SCN7A: variants seen among roughly 807,000 people sequenced by gnomAD.
SCN7A encodes the protein sodium voltage-gated channel alpha subunit 7, also known as sodium channel protein type 7 subunit alpha.
In SCN7A, 138 loss-of-function variants were observed where a neutral mutation model predicts 155.2. The observed-to-expected ratio is 0.89, with a 90% CI of 0.77 to 1.02. The LOEUF is 1.02. SCN7A is among the 50% of genes least tolerant of loss of function. SCN7A has a pLI of 0.00. For missense variants in SCN7A, 2,058 were observed against 1,986.6 expected (o/e 1.04, Z -0.68); for synonymous variants, 693 against 649.0 (o/e 1.07, Z -1.03).
intron 20 of SCN7A, among the ~76,000 whole-genome samples, chr2:166,419,119 C>T (rs903529535): frequency 8.5e-5 from 13 of 152,124 alleles, no homozygotes; most frequent in African/African-American, 3.1e-4. Context: ...GGGCAGACAA[C>T]TTGCTGATTT....
chr2:166,483,813 C>A (rs977992373), intron 2 of SCN7A, among the ~76,000 whole-genome samples: 42 of 151,892 alleles, frequency 2.8e-4, no homozygotes, highest in Non-Finnish European at 4.9e-4. Context: ...GCAATTCAAG[C>A]AACAGAGACT....
intron 11 of SCN7A, among the ~76,000 whole-genome samples, chr2:166,450,286 G>T (rs1702149106): frequency 6.6e-6 from 1 of 152,020 alleles, no homozygotes; most frequent in Non-Finnish European, 1.5e-5. Flanking sequence ...CATTAAGATG[G>T]GAACAACAGA....
At chr2:166,487,975 T>G (rs1293804125) in intron 1 of SCN7A, among the ~76,000 whole-genome samples, 1 of 152,154 alleles carries the variant, frequency 6.6e-6, no homozygotes, top group Non-Finnish European at 1.5e-5. Context: ...ACCAATGACA[T>G]TTAGATAGGT....
chr2:166,452,340 T>G (rs1234548050), intron 11 of SCN7A, among the ~76,000 whole-genome samples: 2 of 151,688 alleles, frequency 1.3e-5, no homozygotes, highest in East Asian at 3.9e-4. Flanking sequence ...ACTTAAATTT[T>G]AGGAAGAATA....
chr2:166,436,220 C>T (rs549387253), intron 15 of SCN7A: 42 of 202,498 alleles, frequency 2.1e-4, no homozygotes, highest in Non-Finnish European at 4.0e-4. Context: ...TCTCATAATC[C>T]CCACATGTTG....
chr2:166,465,224 A>G (rs1375538720), intron 9 of SCN7A, among the ~76,000 whole-genome samples: 2 of 152,150 alleles, frequency 1.3e-5, no homozygotes, highest in Non-Finnish European at 2.9e-5. Context: ...CAGCACCTTG[A>G]TCTGGACTTC....
In SCN7A at chr2:166,480,179, C is replaced by T. The variant is rs557233155; in HGVS notation, c.-14-2469G>A. Among the ~76,000 whole-genome samples, 42 of 152,208 alleles carry T rather than the reference C, an allele frequency of 2.8e-4. No homozygotes were observed. The South Asian group carries it at 6.6e-3, about 24-fold the overall frequency. On this transcript the variant is annotated intron_variant, in intron 2 of 25. Transcript: ENST00000643258. ...TTTCCTTTAAAATAGCCTTTCAGGC[C>T]GCGCAGGGTGGCTCATGCCTGTAAT...
intron 1 of SCN7A, among the ~76,000 whole-genome samples, chr2:166,493,192 C>T (rs912476087): frequency 3.3e-5 from 5 of 152,164 alleles, no homozygotes; most frequent in African/African-American, 1.2e-4. Context: ...ACAAGAAGCA[C>T]CACCCAAACT....
chr2:166,469,828 T>A (rs905020280), intron 7 of SCN7A, among the ~76,000 whole-genome samples: 2 of 151,936 alleles, frequency 1.3e-5, no homozygotes, highest in East Asian at 3.9e-4. Flanking sequence ...TACTGAGATA[T>A]AATTCACAAG....
At chr2:166,415,978 T>C (rs1701366956) in intron 21 of SCN7A, among the ~76,000 whole-genome samples, 1 of 152,132 alleles carries the variant, frequency 6.6e-6, no homozygotes, top group Non-Finnish European at 1.5e-5. Context: ...ACTAAATTCT[T>C]TTCCTAGTAA....
chr2:166,474,083 T>C, intron 4 of SCN7A, 143 bp downstream of exon 4: 1 of 387,304 alleles, frequency 2.6e-6, no homozygotes, highest in Non-Finnish European at 4.2e-6. Flanking sequence ...GAACACTTAA[T>C]GAAGTATAAT....
Position 166,447,609 on chromosome 2 carries a change from T to C in SCN7A, c.1387+3A>G, listed in dbSNP as rs542894623. 1.3e-6 allele frequency: 2 copies of C among 1,594,716 alleles called. No individual in the cohort carries two copies. The highest frequency in any genetic ancestry group is 1.7e-5 in the Admixed American group (1 of 59,704). On this transcript the variant is annotated splice_donor_region_variant and intron_variant, in intron 12 of 25. Transcript: ENST00000643258. ...GTGAGTGTCTACTTATTTAGTACTTTACCTTCCTTATGTCTGAGAGTAGCA... is the reference window on the plus strand; with the variant it reads ...GTGAGTGTCTACTTATTTAGTACTTCACCTTCCTTATGTCTGAGAGTAGCA...
chr2:166,450,779 T>C (rs1330838229), intron 11 of SCN7A, among the ~76,000 whole-genome samples: 1 of 151,968 alleles, frequency 6.6e-6, no homozygotes, highest in Non-Finnish European at 1.5e-5. Context: ...GGCGACAGAG[T>C]GAGACTCTGT....
chr2:166,427,964 GAAC>G (rs765943435), intron 17 of SCN7A, 22 bp from the exon 18 acceptor site: 3 of 1,608,324 alleles, frequency 1.9e-6, no homozygotes, highest in African/African-American at 2.7e-5. Flanking sequence ...GAATTGGTAA[GAAC>G]AACAATCTAG....
chr2:166,407,062 G>T (rs1318706831), intron 25 of SCN7A, among the ~76,000 whole-genome samples: 1 of 152,032 alleles, frequency 6.6e-6, no homozygotes, highest in South Asian at 2.1e-4. Flanking sequence ...TGAATGACAT[G>T]ATTTCTGTCT....
intron 7 of SCN7A, among the ~76,000 whole-genome samples, chr2:166,469,689 C>T (rs1306304272): frequency 6.6e-6 from 1 of 151,782 alleles, no homozygotes; most frequent in East Asian, 1.9e-4. Flanking sequence ...GATGAAGATG[C>T]ATGTGAAATA....
At chr2:166,456,065 G>C (rs1426127106) in intron 11 of SCN7A, among the ~76,000 whole-genome samples, 1 of 152,124 alleles carries the variant, frequency 6.6e-6, no homozygotes, top group Non-Finnish European at 1.5e-5. Flanking sequence ...CAGGGATATG[G>C]ATGAAGCTGG....
intron 11 of SCN7A, among the ~76,000 whole-genome samples, chr2:166,454,523 G>A (rs1026245484): frequency 2.6e-5 from 4 of 152,032 alleles, no homozygotes; most frequent in African/African-American, 9.7e-5. Context: ...TTATATACAG[G>A]GGAGTTAACA....
intron 21 of SCN7A, among the ~76,000 whole-genome samples, chr2:166,413,987 A>G (rs111761497): frequency 1.2e-4 from 12 of 96,684 alleles, no homozygotes; most frequent in East Asian, 8.3e-4. Context: ...ATGTGTATAT[A>G]TATATATATA....
Sources: gnomAD v4.1 joint callset for allele counts (sites outside exome capture counted in the v4.1 genomes callset) on GRCh38, gnomAD v4.1.1 for gene constraint, MANE v1.5 for transcripts, NCBI Gene and HGNC (gene_info 2026-07-23, HGNC 2026-07-21) for gene names.